PTPN11: variants seen among roughly 807,000 people sequenced by gnomAD.
PTPN11 encodes the protein protein tyrosine phosphatase non-receptor type 11.
A neutral mutation model predicts 78.8 loss-of-function variants in PTPN11; 6 were observed. That is an observed-to-expected ratio of 0.08 (90% confidence interval 0.04 to 0.15). PTPN11 has a LOEUF of 0.15. Among genes scored for constraint, PTPN11 ranks in the 10% least tolerant of loss-of-function variants. The pLI is 1.00. For missense variants in PTPN11, 386 were observed against 744.8 expected, an observed-to-expected ratio of 0.52 and a Z score of 5.61; for synonymous variants, 221 against 263.5, an observed-to-expected ratio of 0.84 and a Z score of 1.56.
chr12:112,425,228 C>T (rs921483770), intron 1 of PTPN11, among the ~76,000 whole-genome samples: 12 of 151,962 alleles, frequency 7.9e-5, no homozygotes, highest in African/African-American at 2.9e-4. Flanking sequence ...ATATTGGAGA[C>T]AACTGAAATG....
At chr12:112,501,887 G>A (rs2038877837) in intron 13 of PTPN11, among the ~76,000 whole-genome samples, 2 of 152,078 alleles carry the variant, frequency 1.3e-5, no homozygotes, top group Admixed American at 6.6e-5. Context: ...CATTTGGTTC[G>A]GTACAGTAAG....
chr12:112,450,632 G>C, intron 3 of PTPN11, 120 bp downstream of exon 3: 1 of 981,582 alleles, frequency 1.0e-6, no homozygotes, highest in African/African-American at 1.6e-5. Flanking sequence ...TTTTTGAGCT[G>C]TAATCTTTAA....
intron 7 of PTPN11, among the ~76,000 whole-genome samples, chr12:112,474,644 T>C (rs1026564217): frequency 6.6e-6 from 1 of 151,890 alleles, no homozygotes; most frequent in Non-Finnish European, 1.5e-5. Flanking sequence ...AGATAGGGTC[T>C]TACTCTGTTG....
At chr12:112,431,801 C>T (rs2037717370) in intron 1 of PTPN11, among the ~76,000 whole-genome samples, 1 of 152,148 alleles carries the variant, frequency 6.6e-6, no homozygotes, top group African/African-American at 2.4e-5. Context: ...ATTTCCACCA[C>T]ACAACATTGC....
At position 112,482,212 on chromosome 12, in the gene PTPN11, A is replaced by T. The variant is rs1222805966; in HGVS notation, c.1224+7A>T. The T allele has an allele frequency of 6.2e-7, 1 of 1,612,006 alleles. No homozygotes were observed. The highest frequency in any genetic ancestry group is 8.5e-7 in the Non-Finnish European group (1 of 1,178,428). Reference sequence around the variant, plus strand: ...ACTTTCAAAGGTTGGACAAGTAAGTATATTGTCGTATTCTAGAGACTTTGG... The same window carrying T: ...ACTTTCAAAGGTTGGACAAGTAAGTTTATTGTCGTATTCTAGAGACTTTGG... On this transcript the variant is annotated splice_region_variant and intron_variant, in intron 10 of 15. Transcript: ENST00000351677. This position sits in a 1 kb window ranked among gnomAD's most constrained non-coding sequence, Gnocchi z 4.4.
intron 1 of PTPN11, among the ~76,000 whole-genome samples, chr12:112,428,621 A>G (rs1860652723): frequency 6.6e-6 from 1 of 151,792 alleles, no homozygotes; most frequent in Non-Finnish European, 1.5e-5. Context: ...TGTAACTGGG[A>G]AGCATTTTTG....
In PTPN11 at chr12:112,504,645, C is replaced by A; in HGVS notation, c.1713-50C>A. ...TTTATAGATATCATGTAAGCTTAAA[C>A]AGCGTGGTCTACATTTTTGTAAATG... On this transcript the variant is annotated intron_variant, in intron 14 of 15. Transcript: ENST00000351677. This position sits in a 1 kb window ranked among gnomAD's most constrained non-coding sequence, Gnocchi z 4.7. 7.5e-7 allele frequency: 1 copy of A among 1,340,558 alleles called. No individual in the cohort carries two copies. Among genetic ancestry groups the A allele is most frequent in the East Asian group, 2.4e-5 (1 of 41,876 alleles). 83.0% of individuals were successfully genotyped at this position (1,340,558 alleles called of 1,614,324 possible).
intron 10 of PTPN11, among the ~76,000 whole-genome samples, chr12:112,483,056 C>G (rs758489621): frequency 6.6e-6 from 1 of 152,026 alleles, no homozygotes; most frequent in African/African-American, 2.4e-5. Context: ...CCTGCACTCC[C>G]AAGTGTACAC....
chr12:112,488,553 G>A (rs774058212), intron 12 of PTPN11, 43 bp downstream of exon 12: 14 of 1,542,108 alleles, frequency 9.1e-6, no homozygotes, highest in Admixed American at 1.7e-5. Flanking sequence ...TCTGTTTTTA[G>A]TTTATGGAAG....
chr12:112,493,380 T>A (rs2135921521), intron 13 of PTPN11, among the ~76,000 whole-genome samples: 1 of 150,418 alleles, frequency 6.6e-6, no homozygotes, highest in African/African-American at 2.5e-5. Flanking sequence ...ATTTTAAGTG[T>A]ACATTTTTTT....
chr12:112,460,872 T>C (rs951744533), intron 6 of PTPN11, among the ~76,000 whole-genome samples: 2 of 152,066 alleles, frequency 1.3e-5, no homozygotes, highest in African/African-American at 4.8e-5. Context: ...ATCTTAAGTC[T>C]CTTAGAATAC....
At chr12:112,445,055 G>GTA (rs1477400052) in intron 1 of PTPN11, among the ~76,000 whole-genome samples, 36 of 151,146 alleles carry the variant, frequency 2.4e-4, no homozygotes, top group Admixed American at 1.5e-3. Context: ...GTGTGTGTGT[G>GTA]TATATATATA....
chr12:112,427,863 G>T (rs1478013519), intron 1 of PTPN11, among the ~76,000 whole-genome samples: 1 of 151,956 alleles, frequency 6.6e-6, no homozygotes, highest in Non-Finnish European at 1.5e-5. Context: ...TGATCCTCTT[G>T]CCTCAGCCTC....
At chr12:112,420,351 CTT>C (rs760426760) in intron 1 of PTPN11, among the ~76,000 whole-genome samples, 1 of 145,418 alleles carries the variant, frequency 6.9e-6, no homozygotes. Context: ...TTCTTTTTTT[CTT>C]TTTTTTTTTG....
chr12:112,495,867 G>A (rs1212099854), intron 13 of PTPN11, among the ~76,000 whole-genome samples: 1 of 152,026 alleles, frequency 6.6e-6, no homozygotes, highest in Admixed American at 6.6e-5. Context: ...GGGTTGTATT[G>A]CTTTTGCACC....
At chr12:112,450,273 CTCTT>C in intron 2 of PTPN11, 41 bp from the exon 3 acceptor site, 3 of 1,506,420 alleles carry the variant, frequency 2.0e-6, no homozygotes, top group South Asian at 1.1e-5. Flanking sequence ...ACTGGTGTAA[CTCTT>C]TATTTGTCCC....
intron 1 of PTPN11, 79 bp downstream of exon 1, chr12:112,419,204 G>T: frequency 7.5e-7 from 1 of 1,324,608 alleles, no homozygotes; most frequent in Non-Finnish European, 9.7e-7. Flanking sequence ...GGAAGGGGGC[G>T]CCCCGGCCGG....
chr12:112,438,303 A>G (rs1218835634), intron 1 of PTPN11, among the ~76,000 whole-genome samples: 1 of 151,766 alleles, frequency 6.6e-6, no homozygotes, highest in Non-Finnish European at 1.5e-5. Context: ...TTTTCATGTC[A>G]TTTTATTTGT....
intron 1 of PTPN11, among the ~76,000 whole-genome samples, chr12:112,428,043 G>A (rs2037648747): frequency 1.3e-5 from 2 of 152,154 alleles, no homozygotes; most frequent in Non-Finnish European, 2.9e-5. Context: ...AAGCCACTGT[G>A]CCTAGCCCAT....
Sources: gnomAD v4.1 joint callset for allele counts (sites outside exome capture counted in the v4.1 genomes callset) on GRCh38, gnomAD v4.1.1 for gene constraint, Gnocchi (gnomAD v3.1) non-coding constraint, MANE v1.5 for transcripts, NCBI Gene and HGNC (gene_info 2026-07-23, HGNC 2026-07-21) for gene names.